PIEZO2: variants seen among roughly 807,000 people sequenced by gnomAD.
PIEZO2 encodes the protein piezo-type mechanosensitive ion channel component 2.
In PIEZO2, 172 loss-of-function variants were observed where a neutral mutation model predicts 337.3. The observed-to-expected ratio is 0.51, with a 90% CI of 0.45 to 0.58. PIEZO2 has a LOEUF of 0.58. Among genes scored for constraint, PIEZO2 ranks in the 20% least tolerant of loss-of-function variants. The probability of loss-of-function intolerance (pLI) is 0.00; values close to 1 mark genes in which losing one functional copy is unlikely to be tolerated. For synonymous variants in PIEZO2, 1,251 were observed against 1,228.5 expected (o/e 1.02, Z -0.38); for missense variants, 3,028 against 3,391.3 (o/e 0.89, Z 2.66).
chr18:10,773,876 G>A lies in PIEZO2; in HGVS notation c.2567+130C>T, dbSNP rs1045269388. 4 of 630,092 alleles carry A rather than the reference G, an allele frequency of 6.3e-6. No individual in the cohort carries two copies. The highest frequency in any genetic ancestry group is 1.8e-5 in the African/African-American group (1 of 54,422). The allele number at this position is 630,092 out of a possible 1,614,324, so 39.0% of individuals were successfully genotyped here. ...TTAATTCGGGTTCTAGTGATTAGTT[G>A]GTAATGAGAGCTATCAACACCTAAA... is the stretch of plus-strand genomic sequence containing the variant. On this transcript the variant is annotated intron_variant, in intron 19 of 55. Coordinates refer to ENST00000674853, the MANE Select transcript of PIEZO2 (RefSeq NM_001378183.1). The surrounding 1 kb of genome is among the most constrained non-coding windows in gnomAD (Gnocchi z 5.3).
At chr18:10,686,208 A>G (rs1361988683) in intron 49 of PIEZO2, among the ~76,000 whole-genome samples, 3 of 152,170 alleles carry the variant, frequency 2.0e-5, no homozygotes, top group African/African-American at 7.2e-5. Context: ...CACCCATCCT[A>G]CCTTTGAAAC....
In PIEZO2 at chr18:10,727,995, C is replaced by T. The variant is rs1598406956; in HGVS notation, c.5029+3412G>A. ...AAAAAGAAAAAAAGGGATAAGAAGC[C>T]TGACATATAAATAGCATGAATTGAT... On this transcript the variant is annotated intron_variant, in intron 36 of 55. Coordinates refer to ENST00000674853, the MANE Select transcript of PIEZO2 (RefSeq NM_001378183.1). This position sits in a 1 kb window ranked among gnomAD's most constrained non-coding sequence, Gnocchi z 6.3. 1 of 151,854 alleles carries T rather than the reference C, an allele frequency of 6.6e-6. No homozygotes were observed. The highest frequency in any genetic ancestry group is 2.1e-4 in the South Asian group (1 of 4,784). 9.4% of individuals were successfully genotyped at this position (151,854 alleles called of 1,614,324 possible).
rs939069261 is a variant in PIEZO2 at position 11,031,303 on chromosome 18, A to AT, written c.160+34823dup. Among the ~76,000 whole-genome samples, 3 of 150,968 alleles carry AT rather than the reference A, an allele frequency of 2.0e-5. No homozygotes were observed. Among genetic ancestry groups the AT allele is most frequent in the East Asian group, 1.9e-4 (1 of 5,142 alleles). ...CGTGAGCCACTGCGCCTGGCCTGGA[A>AT]TTTTTTTTTAATAAGCCCATCAGGA... On this transcript the variant is annotated intron_variant, in intron 2 of 55. Coordinates refer to ENST00000674853, the MANE Select transcript of PIEZO2 (RefSeq NM_001378183.1). This position sits in a 1 kb window ranked among gnomAD's most constrained non-coding sequence, Gnocchi z 4.7.
chr18:10,675,155 T>C, intron 54 of PIEZO2, 54 bp downstream of exon 54: 1 of 1,282,468 alleles, frequency 7.8e-7, no homozygotes, highest in African/African-American at 1.5e-5. Context: ...ACTGTTGAAA[T>C]TGAATAAAAC....
intron 4 of PIEZO2, among the ~76,000 whole-genome samples, chr18:10,905,663 T>C (rs1261462292): frequency 2.0e-5 from 3 of 151,476 alleles, no homozygotes; most frequent in Admixed American, 6.6e-5. Flanking sequence ...CCTGAGCCCA[T>C]GGCAGTGTGG....
chr18:11,045,266 A>C (rs2037264264), intron 2 of PIEZO2, among the ~76,000 whole-genome samples: 1 of 130,060 alleles, frequency 7.7e-6, no homozygotes. Flanking sequence ...ACTGCACTCC[A>C]GCCTGGGCGA....
intron 27 of PIEZO2, 26 bp from the exon 28 acceptor site, chr18:10,752,905 A>AGAC: frequency 6.6e-7 from 1 of 1,516,584 alleles, no homozygotes; most frequent in Non-Finnish European, 8.8e-7. Context: ...AGTGACAAAA[A>AGAC]GACAACAACA....
chr18:11,059,774 A>G, intron 2 of PIEZO2, among the ~76,000 whole-genome samples: 1 of 152,230 alleles, frequency 6.6e-6, no homozygotes. Flanking sequence ...TTAGAGACCT[A>G]GAAAGAGACT....
rs561094683 is a variant in PIEZO2, at chr18:10,877,071, C to T, written c.330-5656G>A. 3.6e-4 allele frequency among the ~76,000 whole-genome samples: 55 copies of T among 152,216 alleles called. No individual in the cohort carries two copies. The highest frequency in any genetic ancestry group is 7.3e-4 in the Non-Finnish European group (50 of 68,040). ...AAACTCATGTTGCTGGGAAGCCCCACTAAGAAATTCTGACTTGTATTGTAG... is the reference window on the plus strand; with the variant it reads ...AAACTCATGTTGCTGGGAAGCCCCATTAAGAAATTCTGACTTGTATTGTAG... On this transcript the variant is annotated intron_variant, in intron 4 of 55. Transcript: ENST00000674853. The surrounding 1 kb of genome is among the most constrained non-coding windows in gnomAD (Gnocchi z 5.3).
At position 11,148,692 on chromosome 18, in the gene PIEZO2, C is replaced by T; in HGVS notation, c.-104G>A. 1 of 1,245,078 alleles carries T rather than the reference C, an allele frequency of 8.0e-7. No individual in the cohort carries two copies. The allele number at this position is 1,245,078 out of a possible 1,614,324, so 77.1% of individuals were successfully genotyped here. A position where few individuals can be genotyped will look rare whatever the true frequency, so the allele number is the denominator to read the frequency against. On this transcript the variant is annotated 5_prime_UTR_variant, in exon 1 of 56. Transcript: ENST00000674853. This position sits in a 1 kb window ranked among gnomAD's most constrained non-coding sequence, Gnocchi z 5.2. ...GTCTATGGCCTCTCGCCGCCGGCAG[C>T]TCGCAGCCACCCGAGCATCGCCTCG... is the stretch of plus-strand genomic sequence containing the variant.
At chr18:11,141,516 G>A (rs912350804) in intron 1 of PIEZO2, among the ~76,000 whole-genome samples, 11 of 152,202 alleles carry the variant, frequency 7.2e-5, no homozygotes, top group Admixed American at 2.6e-4. Context: ...GTAGAGCCAC[G>A]CAACACGTAT....
At chr18:10,986,807 T>C (rs952847638) in intron 2 of PIEZO2, among the ~76,000 whole-genome samples, 7 of 151,938 alleles carry the variant, frequency 4.6e-5, no homozygotes, top group Admixed American at 1.3e-4. Context: ...TATAATATTA[T>C]GTTTTGAAAA....
In PIEZO2 at chr18:11,092,976, G is replaced by A. The variant is rs920926469; in HGVS notation, c.65-26754C>T. Among the ~76,000 whole-genome samples the A allele has an allele frequency of 2.6e-5, 4 of 152,122 alleles. No individual in the cohort carries two copies. The highest frequency in any genetic ancestry group is 1.9e-4 in the East Asian group (1 of 5,192). ...ATTCTCACTTACCCCAAAGCCTAAC[G>A]AGCCCAAGAGCTTATAATATCGAGT... On this transcript the variant is annotated intron_variant, in intron 1 of 55. Transcript: ENST00000674853. The surrounding 1 kb of genome is among the most constrained non-coding windows in gnomAD (Gnocchi z 4.5).
chr18:10,807,964 T>A (rs7237226), intron 7 of PIEZO2, among the ~76,000 whole-genome samples: 67,258 of 152,076 alleles, frequency 0.44, 15,266 homozygotes, highest in East Asian at 0.57. Flanking sequence ...AATGGAAAAC[T>A]GTGTAAAATA....
chr18:11,109,319 T>A lies in PIEZO2; in HGVS notation c.64+39206A>T, dbSNP rs947324722. Among the ~76,000 whole-genome samples the A allele has an allele frequency of 6.6e-6, 1 of 152,218 alleles. No individual in the cohort carries two copies. The highest frequency in any genetic ancestry group is 1.9e-4 in the East Asian group (1 of 5,196). ...ATCACCTTAGCAAATCTCTGTGCTA[T>A]GAAAATCACTATTACTGGGCATGTA... is the stretch of plus-strand genomic sequence containing the variant. On this transcript the variant is annotated intron_variant, in intron 1 of 55. Coordinates refer to ENST00000674853, the MANE Select transcript of PIEZO2 (RefSeq NM_001378183.1). The surrounding 1 kb of genome is among the most constrained non-coding windows in gnomAD (Gnocchi z 5.1).
At chr18:11,133,112 G>A (rs34020480) in intron 1 of PIEZO2, among the ~76,000 whole-genome samples, 45,798 of 152,068 alleles carry the variant, frequency 0.3, 8,489 homozygotes, top group Middle Eastern at 0.46. Context: ...ACTGTTATGC[G>A]TTATTTCCTC....
chr18:10,739,087 G>A (rs1007286791), intron 33 of PIEZO2: 1 of 152,128 alleles, frequency 6.6e-6, no homozygotes, highest in Non-Finnish European at 1.5e-5. Flanking sequence ...TTCCAACAAA[G>A]TACTTCCAGA....
chr18:11,097,385 G>A lies in PIEZO2; in HGVS notation c.65-31163C>T, dbSNP rs547076833. ...GTCTCACGACTGCAACAGAGCCGGC[G>A]TGCTGTGCAACGCCTGACTCATTAA... On this transcript the variant is annotated intron_variant, in intron 1 of 55. Transcript: ENST00000674853. This position sits in a 1 kb window ranked among gnomAD's most constrained non-coding sequence, Gnocchi z 5.0. Among the ~76,000 whole-genome samples the A allele has an allele frequency of 7.9e-5, 12 of 152,302 alleles. No homozygotes were observed. Among genetic ancestry groups the A allele is most frequent in the South Asian group, 2.1e-4 (1 of 4,824 alleles).
Position 11,077,084 on chromosome 18 carries a change from G to C in PIEZO2, c.65-10862C>G, listed in dbSNP as rs1216162367. ...TCATACATAATTTCTTAAACTATCA[G>C]ACAAATTATACTTGAAATTAGACCT... On this transcript the variant is annotated intron_variant, in intron 1 of 55. Coordinates refer to ENST00000674853, the MANE Select transcript of PIEZO2 (RefSeq NM_001378183.1). The surrounding 1 kb of genome is among the most constrained non-coding windows in gnomAD (Gnocchi z 4.8). Among the ~76,000 whole-genome samples the C allele has an allele frequency of 2.0e-5, 3 of 152,124 alleles. No homozygotes were observed. The highest frequency in any genetic ancestry group is 4.4e-5 in the Non-Finnish European group (3 of 68,028).
Sources: allele counts gnomAD v4.1 joint callset (sites outside exome capture counted in the v4.1 genomes callset), GRCh38; gene constraint gnomAD v4.1.1; non-coding constraint Gnocchi (gnomAD v3.1); transcripts MANE v1.5; gene names NCBI Gene and HGNC (gene_info 2026-07-23, HGNC 2026-07-21).